Variants in TCERG1L observed in about 807,000 individuals in gnomAD.
The protein encoded by TCERG1L is transcription elongation regulator 1-like protein.
In TCERG1L, 37 loss-of-function variants were observed where a neutral mutation model predicts 56.3. The observed-to-expected ratio is 0.66, with a 90% CI of 0.51 to 0.87. TCERG1L has a LOEUF of 0.87. TCERG1L is among the 40% of genes least tolerant of loss of function. The pLI, the probability that TCERG1L is intolerant of heterozygous loss-of-function variation, is 0.00. For synonymous variants in TCERG1L, 324 were observed against 326.3 expected (o/e 0.99, Z 0.08); for missense variants, 799 against 774.2 (o/e 1.03, Z -0.38).
chr10:131,196,642 G>A (rs1032132500), intron 4 of TCERG1L, among the ~76,000 whole-genome samples: 4 of 152,306 alleles, frequency 2.6e-5, no homozygotes, highest in African/African-American at 7.2e-5. Context: ...CCTGGAGCTC[G>A]GAGGCCACCT....
rs577993916 is a variant in TCERG1L at position 131,118,570 on chromosome 10, T to G, written c.1260-1636A>C. Reference sequence around the variant, plus strand: ...TCACCGGGACACCTTACCAGATTTCTCATCCTCTGCCATGCCCCAGATCTG... The same window carrying G: ...TCACCGGGACACCTTACCAGATTTCGCATCCTCTGCCATGCCCCAGATCTG... On this transcript the variant is annotated intron_variant, in intron 8 of 11. Transcript: ENST00000368642. This position sits in a 1 kb window ranked among gnomAD's most constrained non-coding sequence, Gnocchi z 4.2. Among the ~76,000 whole-genome samples, 3 of 152,270 alleles carry G rather than the reference T, an allele frequency of 2.0e-5. No homozygotes were observed. Among genetic ancestry groups the G allele is most frequent in the African/African-American group, 7.2e-5 (3 of 41,564 alleles).
chr10:131,181,357 AG>A, intron 4 of TCERG1L, among the ~76,000 whole-genome samples: 1 of 152,334 alleles, frequency 6.6e-6, no homozygotes. Flanking sequence ...CTCAGCACAG[AG>A]GCGGAGGTCT....
At chr10:131,142,519 G>A (rs530536624) in intron 7 of TCERG1L, among the ~76,000 whole-genome samples, 8 of 152,358 alleles carry the variant, frequency 5.3e-5, no homozygotes, top group South Asian at 4.1e-4. Context: ...TGGCTAAAGC[G>A]TTTACAGAGC....
chr10:131,256,992 GGAAAGAAA>G (rs745516129), intron 4 of TCERG1L, among the ~76,000 whole-genome samples: 1,444 of 58,694 alleles, frequency 0.025, 46 homozygotes, highest in African/African-American at 0.037. Flanking sequence ...AAGGAAGGAA[GGAAAGAAA>G]GAAAGAAAGA....
chr10:131,171,820 C>G (rs1589735925), intron 4 of TCERG1L, among the ~76,000 whole-genome samples: 1 of 152,348 alleles, frequency 6.6e-6, no homozygotes, highest in East Asian at 1.9e-4. Flanking sequence ...ATCCTCCTGC[C>G]TCGGCCTCCC....
chr10:131,215,969 G>A (rs553405159), intron 4 of TCERG1L, among the ~76,000 whole-genome samples: 5 of 152,266 alleles, frequency 3.3e-5, no homozygotes, highest in East Asian at 1.9e-4. Context: ...ACTGTGGGGC[G>A]GCCACAGCTG....
chr10:131,193,588 T>C (rs1398182700), intron 4 of TCERG1L, among the ~76,000 whole-genome samples: 1 of 152,226 alleles, frequency 6.6e-6, no homozygotes, highest in Non-Finnish European at 1.5e-5. Flanking sequence ...CCAGCACCAT[T>C]TATGGAAAAG....
intron 4 of TCERG1L, among the ~76,000 whole-genome samples, chr10:131,231,797 C>T (rs1214500733): frequency 1.3e-5 from 2 of 152,182 alleles, no homozygotes; most frequent in Non-Finnish European, 2.9e-5. Flanking sequence ...ACCGGGACAG[C>T]TGAGTCTCAG....
intron 3 of TCERG1L, among the ~76,000 whole-genome samples, chr10:131,269,194 G>GTTTGTTTC (rs1295701624): frequency 1.2e-4 from 18 of 152,178 alleles, no homozygotes; most frequent in African/African-American, 4.3e-4. Context: ...TTGTTTGTTT[G>GTTTGTTTC]TTTGTTTTTT....
In TCERG1L at chr10:131,261,723, G is replaced by A. The variant is rs79422072; in HGVS notation, c.671-1279C>T. On this transcript the variant is annotated intron_variant, in intron 3 of 11. Coordinates refer to ENST00000368642, the MANE Select transcript of TCERG1L (RefSeq NM_174937.4). Reference sequence around the variant, plus strand: ...CAAAACACTGGGAAGGCTGGCCTTCGGGGAAGGTTCCTCCCAGGTAGGGAA... The same window carrying A: ...CAAAACACTGGGAAGGCTGGCCTTCAGGGAAGGTTCCTCCCAGGTAGGGAA... Among the ~76,000 whole-genome samples the A allele has an allele frequency of 8.3e-3, 1,270 of 152,324 alleles. 18 individuals carry two copies. The highest frequency in any genetic ancestry group is 0.026 in the African/African-American group (1,073 of 41,566).
chr10:131,310,962 G>A (rs921330467), intron 1 of TCERG1L, among the ~76,000 whole-genome samples: 7 of 152,206 alleles, frequency 4.6e-5, no homozygotes, highest in African/African-American at 1.2e-4. Flanking sequence ...CGGCGGTCAC[G>A]GAGCCACTTC....
At chr10:131,241,172 C>A (rs1845967292) in intron 4 of TCERG1L, among the ~76,000 whole-genome samples, 1 of 149,694 alleles carries the variant, frequency 6.7e-6, no homozygotes, top group Admixed American at 6.6e-5. Flanking sequence ...GAGCCGCCCG[C>A]ACGCAGAATG....
chr10:131,310,906 G>C (rs67500661), intron 1 of TCERG1L, among the ~76,000 whole-genome samples: 30,533 of 152,236 alleles, frequency 0.2, 4,008 homozygotes, highest in Non-Finnish European at 0.29. Context: ...AAGTCTGGCA[G>C]AGACTGTGAA....
intron 11 of TCERG1L, among the ~76,000 whole-genome samples, chr10:131,097,180 G>A (rs543292193): frequency 7.8e-6 from 1 of 128,466 alleles, no homozygotes; most frequent in South Asian, 2.6e-4. Context: ...CAGCCTGGGT[G>A]ACACAGCGAG....
chr10:131,132,934 T>C (rs946751776), intron 8 of TCERG1L, among the ~76,000 whole-genome samples: 4 of 152,224 alleles, frequency 2.6e-5, no homozygotes, highest in African/African-American at 9.6e-5. Flanking sequence ...TTCCACGTGC[T>C]GTGGGGCCAG....
At chr10:131,214,114 T>C (rs959945183) in intron 4 of TCERG1L, among the ~76,000 whole-genome samples, 2 of 152,176 alleles carry the variant, frequency 1.3e-5, no homozygotes, top group Non-Finnish European at 1.5e-5. Context: ...TCACAAGCCC[T>C]TGAAGAATGT....
intron 3 of TCERG1L, among the ~76,000 whole-genome samples, chr10:131,299,571 A>G (rs1006524686): frequency 2.8e-5 from 4 of 142,732 alleles, no homozygotes; most frequent in Non-Finnish European, 4.7e-5. Context: ...TCCTTCCACT[A>G]TTAAGTACAA....
rs558168382 is a variant in TCERG1L, at chr10:131,266,055, C to A, written c.671-5611G>T. Reference sequence around the variant, plus strand: ...TTATCAACTCAGTCTATGTAATATTCTAAATCCTTTGTTATTATTTCAACA... The same window carrying A: ...TTATCAACTCAGTCTATGTAATATTATAAATCCTTTGTTATTATTTCAACA... On this transcript the variant is annotated intron_variant, in intron 3 of 11. Transcript: ENST00000368642. Among the ~76,000 whole-genome samples the A allele has an allele frequency of 1.6e-3, 250 of 152,382 alleles. 1 individual carries two copies. Among genetic ancestry groups the A allele is most frequent in the African/African-American group, 5.9e-3 (244 of 41,592 alleles).
At chr10:131,135,458 C>A (rs1247103430) in intron 7 of TCERG1L, among the ~76,000 whole-genome samples, 1 of 152,152 alleles carries the variant, frequency 6.6e-6, no homozygotes, top group African/African-American at 2.4e-5. Context: ...TGCACATTTT[C>A]TTTCTATAAA....
Sources: allele counts gnomAD v4.1 joint callset (sites outside exome capture counted in the v4.1 genomes callset), GRCh38; gene constraint gnomAD v4.1.1; non-coding constraint Gnocchi (gnomAD v3.1); transcripts MANE v1.5; gene names NCBI Gene and HGNC (gene_info 2026-07-23, HGNC 2026-07-21).